EFCAB5: variants seen among roughly 807,000 people sequenced by gnomAD.
EFCAB5 encodes EF-hand calcium-binding domain-containing protein 5.
EFCAB5 carries 131 observed loss-of-function variants against 167.9 expected under a neutral mutation model. The ratio of observed to expected loss-of-function variants is 0.78; its 90% confidence interval spans 0.68 to 0.90. EFCAB5 has a LOEUF of 0.90. Among genes scored for constraint, EFCAB5 ranks in the 40% least tolerant of loss-of-function variants. EFCAB5 has a pLI of 0.00. For synonymous variants in EFCAB5, 574 were observed against 602.8 expected (o/e 0.95, Z 0.70); for missense variants, 1,663 against 1,745.2 (o/e 0.95, Z 0.84).
chr17:30,057,913 G>T, intron 13 of EFCAB5, 23 bp downstream of exon 13: 1 of 1,588,986 alleles, frequency 6.3e-7, no homozygotes, highest in South Asian at 1.1e-5. Context: ...ATTTATTAAT[G>T]ATACAAGTGA....
At position 30,051,237 on chromosome 17, in the gene EFCAB5, A is replaced by G; in HGVS notation, c.1300+20A>G. On this transcript the variant is annotated intron_variant, in intron 9 of 22. Coordinates refer to ENST00000394835, the MANE Select transcript of EFCAB5 (RefSeq NM_198529.4). ...GACAATGTAAGTGCCGCTCAGAGGG[A>G]GTATGTTCAAGCTGGAGTGTCGCAG... 6.2e-7 allele frequency: 1 copy of G among 1,608,834 alleles called. No homozygotes were observed. The highest frequency in any genetic ancestry group is 8.5e-7 in the Non-Finnish European group (1 of 1,175,338).
chr17:30,003,305 G>A (rs56144203), intron 7 of EFCAB5, among the ~76,000 whole-genome samples: 2,530 of 152,020 alleles, frequency 0.017, 38 homozygotes, highest in Non-Finnish European at 0.027. Context: ...GCATGATCGC[G>A]GCTCACTGCA....
At chr17:29,951,175 T>G (rs1317698099) in intron 3 of EFCAB5, among the ~76,000 whole-genome samples, 1 of 152,228 alleles carries the variant, frequency 6.6e-6, no homozygotes, top group Non-Finnish European at 1.5e-5. Flanking sequence ...GAGAGATTGA[T>G]AAATACTATC....
intron 2 of EFCAB5, among the ~76,000 whole-genome samples, chr17:29,943,063 T>TAG (rs1040815221): frequency 1.4e-5 from 2 of 143,914 alleles, no homozygotes; most frequent in Admixed American, 7.1e-5. Flanking sequence ...TATATATATA[T>TAG]AGTCAGATTT....
intron 14 of EFCAB5, among the ~76,000 whole-genome samples, chr17:30,060,255 G>C (rs1017945170): frequency 2.6e-5 from 4 of 151,868 alleles, no homozygotes; most frequent in African/African-American, 7.3e-5. Context: ...AGGTTAAAAG[G>C]ATTCAAGCCA....
At chr17:30,075,002 C>A (rs2070840363) in intron 14 of EFCAB5, among the ~76,000 whole-genome samples, 1 of 152,044 alleles carries the variant, frequency 6.6e-6, no homozygotes, top group Non-Finnish European at 1.5e-5. Flanking sequence ...TCTGTACATA[C>A]CTTTCTGTCT....
intron 4 of EFCAB5, among the ~76,000 whole-genome samples, chr17:29,976,347 G>T (rs2068063554): frequency 6.6e-6 from 1 of 152,136 alleles, no homozygotes; most frequent in South Asian, 2.1e-4. Flanking sequence ...TTTAGTTAAA[G>T]GTTGCTCTAT....
intron 4 of EFCAB5, among the ~76,000 whole-genome samples, chr17:29,986,848 C>T (rs562308569): frequency 2.6e-5 from 4 of 151,412 alleles, no homozygotes; most frequent in African/African-American, 9.7e-5. Context: ...AGGGTTTCAC[C>T]GTGTTAGCCA....
At position 30,057,888 on chromosome 17, in the gene EFCAB5, C is replaced by A; in HGVS notation, c.2578C>A (p.Gln860Lys). The change falls in exon 13 of 23, where the codon CAG becomes AAG. Residue 860 changes from glutamine (Q) to lysine (K), a missense_variant and splice_region_variant. Coordinates refer to ENST00000394835, the MANE Select transcript of EFCAB5 (RefSeq NM_198529.4). The part of the protein sequence containing the change: ...TEQEKMNALE[Q>K]FSQNAFQVRQ... ...ACAAGAGAAAATGAATGCCTTAGAACAGGTGGGTAATATTATTTATTAATG... is the reference window on the plus strand; with the variant it reads ...ACAAGAGAAAATGAATGCCTTAGAAAAGGTGGGTAATATTATTTATTAATG... 6.2e-7 allele frequency: 1 copy of A among 1,611,032 alleles called. No homozygotes were observed. Among genetic ancestry groups the A allele is most frequent in the Non-Finnish European group, 8.5e-7 (1 of 1,178,286 alleles).
At chr17:29,983,087 G>A (rs1597618251) in intron 4 of EFCAB5, among the ~76,000 whole-genome samples, 1 of 152,224 alleles carries the variant, frequency 6.6e-6, no homozygotes, top group Admixed American at 6.5e-5. Context: ...GTAACTTTGA[G>A]CTGGGCTCAT....
intron 14 of EFCAB5, among the ~76,000 whole-genome samples, chr17:30,064,811 A>T (rs1427382183): frequency 6.6e-6 from 1 of 152,250 alleles, no homozygotes; most frequent in Non-Finnish European, 1.5e-5. Flanking sequence ...AAAGTCACAT[A>T]GAAGGGAATC....
chr17:30,069,529 C>T (rs2070673095), intron 14 of EFCAB5: 5 of 1,610,902 alleles, frequency 3.1e-6, no homozygotes, highest in Non-Finnish European at 3.4e-6. Flanking sequence ...GCAACGAAGA[C>T]ATAAGAGAGG....
intron 12 of EFCAB5, among the ~76,000 whole-genome samples, 158 bp downstream of exon 12, chr17:30,056,314 C>T (rs901707072): frequency 6.6e-6 from 1 of 152,030 alleles, no homozygotes; most frequent in Non-Finnish European, 1.5e-5. Context: ...AAATATATAC[C>T]AGATAGATAT....
In EFCAB5 at chr17:30,083,777, T is replaced by C. The variant is rs2071035435; in HGVS notation, c.3579+734T>C. On this transcript the variant is annotated intron_variant, in intron 18 of 22. Coordinates refer to ENST00000394835, the MANE Select transcript of EFCAB5 (RefSeq NM_198529.4). ...CCAGAAAACTCTTTTTGACTTATCC[T>C]GAGATACATACCCCTGGCCAGAGTG... 1.3e-5 allele frequency among the ~76,000 whole-genome samples: 2 copies of C among 152,092 alleles called. 1 individual carries two copies. Among genetic ancestry groups the C allele is most frequent in the Admixed American group, 1.3e-4 (2 of 15,270 alleles).
At position 30,083,112 on chromosome 17, in the gene EFCAB5, T is replaced by C; in HGVS notation, c.3579+69T>C. The C allele has an allele frequency of 3.3e-6, 5 of 1,497,288 alleles. No individual in the cohort carries two copies. In the South Asian group the frequency reaches 5.2e-5, roughly 16 times the overall value. The allele number at this position is 1,497,288 out of a possible 1,614,324, so 92.8% of individuals were successfully genotyped here. A position where few individuals can be genotyped will look rare whatever the true frequency, so the allele number is the denominator to read the frequency against. On this transcript the variant is annotated intron_variant, in intron 18 of 22. Coordinates refer to ENST00000394835, the MANE Select transcript of EFCAB5 (RefSeq NM_198529.4). Reference sequence around the variant, plus strand: ...GTGTCTAGATGTTATTTCTTGCTAATATTTGAAAACCATATTAATTAGCTA... The same window carrying C: ...GTGTCTAGATGTTATTTCTTGCTAACATTTGAAAACCATATTAATTAGCTA...
chr17:30,096,832 A>AATT (rs2071301457), intron 22 of EFCAB5, among the ~76,000 whole-genome samples: 1 of 147,290 alleles, frequency 6.8e-6, no homozygotes, highest in South Asian at 2.1e-4. Context: ...GGCACGTGCC[A>AATT]CCACGCTTGG....
upstream of EFCAB5, among the ~76,000 whole-genome samples, chr17:29,937,576 A>G (rs768295777): frequency 1.3e-5 from 2 of 152,158 alleles, no homozygotes; most frequent in Non-Finnish European, 2.9e-5. Context: ...ATTTTTGTTT[A>G]CTGTCCTGGT....
intron 7 of EFCAB5, among the ~76,000 whole-genome samples, chr17:30,032,461 A>T (rs2151734837): frequency 6.6e-6 from 1 of 152,340 alleles, no homozygotes; most frequent in South Asian, 2.1e-4. Flanking sequence ...AATAGATACA[A>T]GAAGGGCATT....
At chr17:30,094,342 T>A (rs1014735425) in intron 22 of EFCAB5, among the ~76,000 whole-genome samples, 1 of 151,734 alleles carries the variant, frequency 6.6e-6, no homozygotes, top group African/African-American at 2.4e-5. Flanking sequence ...CCCTAAAACT[T>A]ACAGTATAAT....
Sources: gnomAD v4.1 joint callset for allele counts (sites outside exome capture counted in the v4.1 genomes callset) on GRCh38, gnomAD v4.1.1 for gene constraint, MANE v1.5 for transcripts, NCBI Gene and HGNC (gene_info 2026-07-23, HGNC 2026-07-21) for gene names.